The following OCA2 variants were observed in gnomAD, a reference collection of about 807,000 sequenced individuals.
The protein encoded by OCA2 is P protein.
In OCA2, 77 loss-of-function variants were observed where a neutral mutation model predicts 100.2. The ratio of observed to expected loss-of-function variants is 0.77; its 90% CI spans 0.64 to 0.93. The LOEUF (loss-of-function observed/expected upper bound fraction) is 0.93. Ranked by LOEUF, OCA2 falls within the 40% of genes least tolerant of loss-of-function variation. The probability of loss-of-function intolerance (pLI) is 0.00; values close to 1 mark genes in which losing one functional copy is unlikely to be tolerated. For synonymous variants in OCA2, 432 were observed against 439.2 expected, an observed-to-expected ratio of 0.98 and a Z score of 0.21; for missense variants, 1,062 against 1,089.1, an observed-to-expected ratio of 0.98 and a Z score of 0.35.
At chr15:27,731,399 T>C in the OCA2 span, among the ~76,000 whole-genome samples, 1 of 152,260 alleles carries the variant, frequency 6.6e-6, no homozygotes, top group East Asian at 1.9e-4. Flanking sequence ...TATTTCAAAT[T>C]ACATATCTCT....
At chr15:28,079,927 C>T (rs1283668967) in intron 2 of OCA2, among the ~76,000 whole-genome samples, 2 of 152,238 alleles carry the variant, frequency 1.3e-5, no homozygotes, top group African/African-American at 4.8e-5. Flanking sequence ...GGGCCTCCTG[C>T]CTGTGGAGCT....
At chr15:27,756,307 G>C (rs2030362832) in intron 23 of OCA2, among the ~76,000 whole-genome samples, 1 of 152,226 alleles carries the variant, frequency 6.6e-6, no homozygotes, top group Non-Finnish European at 1.5e-5. Flanking sequence ...CTGGCCATAA[G>C]TGTAGGAAGA....
intron 19 of OCA2, among the ~76,000 whole-genome samples, chr15:27,924,414 C>A (rs2038973550): frequency 6.6e-6 from 1 of 151,812 alleles, no homozygotes; most frequent in African/African-American, 2.4e-5. Context: ...TATCATTTTT[C>A]TTTTTTCTCT....
chr15:27,813,382 A>G (rs918577766), intron 23 of OCA2, among the ~76,000 whole-genome samples: 4 of 152,110 alleles, frequency 2.6e-5, no homozygotes, highest in African/African-American at 9.7e-5. Flanking sequence ...GGCACCCCCC[A>G]TATACACAGG....
chr15:28,022,741 T>C (rs1223449716), intron 5 of OCA2, among the ~76,000 whole-genome samples, 168 bp from the exon 6 acceptor site: 1 of 152,210 alleles, frequency 6.6e-6, no homozygotes, highest in Non-Finnish European at 1.5e-5. Flanking sequence ...AATATTCTGA[T>C]TCATTACAGT....
rs1458133208 is a variant in OCA2 at position 28,082,169 on chromosome 15, CA to C, written c.-21-275del. On this transcript the variant is annotated intron_variant, in intron 1 of 23. Coordinates refer to ENST00000354638, the MANE Select transcript of OCA2 (RefSeq NM_000275.3). ...TCTAGCTAGAGGATTGTAAATGCAC[CA>C]ATCAGCAATCTATAAAATGGACCAA... Among the ~76,000 whole-genome samples the C allele has an allele frequency of 2.0e-5, 3 of 152,078 alleles. No homozygotes were observed. The East Asian group carries it at 5.8e-4, about 29-fold the overall frequency.
intron 23 of OCA2, among the ~76,000 whole-genome samples, chr15:27,815,101 A>C (rs1255586503): frequency 6.6e-6 from 1 of 152,180 alleles, no homozygotes; most frequent in Non-Finnish European, 1.5e-5. Context: ...ACTAAAGGCC[A>C]ACCATCAGTC....
chr15:27,943,504 A>T (rs1234620501), intron 18 of OCA2, among the ~76,000 whole-genome samples: 1 of 152,022 alleles, frequency 6.6e-6, no homozygotes, highest in Non-Finnish European at 1.5e-5. Context: ...TTCCCTTTCC[A>T]AAACCTTTCC....
the OCA2 span, among the ~76,000 whole-genome samples, chr15:27,733,796 A>G: frequency 6.6e-6 from 1 of 152,226 alleles, no homozygotes; most frequent in Middle Eastern, 3.4e-3. Context: ...TTTTATGTAC[A>G]TTTAACTTCA....
intron 2 of OCA2, among the ~76,000 whole-genome samples, chr15:28,061,600 G>C (rs1364232701): frequency 6.6e-6 from 1 of 152,148 alleles, no homozygotes; most frequent in Non-Finnish European, 1.5e-5. Context: ...AAGAGGCCCA[G>C]AGAGTGCACT....
chr15:27,933,058 G>T (rs747415226), intron 18 of OCA2, among the ~76,000 whole-genome samples: 1 of 152,130 alleles, frequency 6.6e-6, no homozygotes, highest in Non-Finnish European at 1.5e-5. Context: ...TCTTTGATGA[G>T]AATGCCAAGA....
At chr15:28,051,595 CTTTTT>C (rs11292828) in intron 2 of OCA2, among the ~76,000 whole-genome samples, 8 of 82,482 alleles carry the variant, frequency 9.7e-5, no homozygotes, top group African/African-American at 5.2e-4. Context: ...CCTGGCCTTC[CTTTTT>C]TTTTTTTTTT....
intron 23 of OCA2, among the ~76,000 whole-genome samples, chr15:27,837,194 T>C (rs1163188796): frequency 6.6e-6 from 1 of 152,202 alleles, no homozygotes; most frequent in Non-Finnish European, 1.5e-5. Context: ...TTTTCTCCAA[T>C]GGAGCAAATA....
chr15:27,790,263 T>A (rs540583246), intron 23 of OCA2, among the ~76,000 whole-genome samples: 1 of 152,338 alleles, frequency 6.6e-6, no homozygotes, highest in East Asian at 1.9e-4. Context: ...AACCAAGTGC[T>A]GATTAGACAG....
chr15:27,768,969 T>C (rs1380438136), intron 23 of OCA2, among the ~76,000 whole-genome samples: 6 of 152,150 alleles, frequency 3.9e-5, no homozygotes, highest in Non-Finnish European at 8.8e-5. Flanking sequence ...AGAGGGAGAT[T>C]TATTTGAAGA....
intron 12 of OCA2, among the ~76,000 whole-genome samples, chr15:27,985,498 T>A (rs773524849): frequency 7.2e-5 from 11 of 152,180 alleles, no homozygotes; most frequent in Non-Finnish European, 1.6e-4. Flanking sequence ...GGTATTCTGG[T>A]TAGACAACCT....
chr15:28,061,947 A>C (rs950459913), intron 2 of OCA2, among the ~76,000 whole-genome samples: 6 of 152,120 alleles, frequency 3.9e-5, no homozygotes, highest in African/African-American at 1.4e-4. Context: ...GGATATGCCA[A>C]ATTTTGTTTA....
Position 27,957,480 on chromosome 15 carries a change from G to A in OCA2, c.1784+108C>T, listed in dbSNP as rs1048628070. ...CTATAAGAGGCTTAGCACAGTGTGCGTCACCTAAATATCACGTATTAGTAT... is the reference window on the plus strand; with the variant it reads ...CTATAAGAGGCTTAGCACAGTGTGCATCACCTAAATATCACGTATTAGTAT... On this transcript the variant is annotated intron_variant, in intron 16 of 23. Coordinates refer to ENST00000354638, the MANE Select transcript of OCA2 (RefSeq NM_000275.3). The surrounding 1 kb of genome is among the most constrained non-coding windows in gnomAD (Gnocchi z 4.3). 19 of 1,310,630 alleles carry A rather than the reference G, an allele frequency of 1.4e-5. No homozygotes were observed. Among genetic ancestry groups the A allele is most frequent in the Middle Eastern group, 2.5e-4 (1 of 3,932 alleles). The allele number at this position is 1,310,630 out of a possible 1,614,324, so 81.2% of individuals were successfully genotyped here. A position where few individuals can be genotyped will look rare whatever the true frequency, so the allele number is the denominator to read the frequency against.
intron 23 of OCA2, chr15:27,776,900 A>C (rs1595392708): frequency 7.0e-6 from 1 of 141,888 alleles, no homozygotes; most frequent in Non-Finnish European, 1.5e-5. Flanking sequence ...GCTTTCTCAA[A>C]GCCCCTTCAC....
Sources: allele counts gnomAD v4.1 joint callset (sites outside exome capture counted in the v4.1 genomes callset), GRCh38; gene constraint gnomAD v4.1.1; non-coding constraint Gnocchi (gnomAD v3.1); transcripts MANE v1.5; gene names NCBI Gene and HGNC (gene_info 2026-07-23, HGNC 2026-07-21).